The following PPM1L variants were observed in gnomAD, a reference collection of about 807,000 sequenced individuals.
PPM1L encodes the protein protein phosphatase, Mg2+/Mn2+ dependent 1L, also known as protein phosphatase 1L.
In PPM1L, 13 loss-of-function variants were observed where a neutral mutation model predicts 31.4. The ratio of observed to expected loss-of-function variants is 0.41; its 90% CI spans 0.27 to 0.66. The LOEUF (loss-of-function observed/expected upper bound fraction) is 0.66. Ranked by LOEUF, PPM1L falls within the 30% of genes least tolerant of loss-of-function variation. The pLI, the probability that PPM1L is intolerant of heterozygous loss-of-function variation, is 0.29. For missense variants in PPM1L, 326 were observed against 453.7 expected (o/e 0.72, Z 2.56); for synonymous variants, 184 against 175.4 (o/e 1.05, Z -0.39).
intron 1 of PPM1L, among the ~76,000 whole-genome samples, chr3:160,825,953 G>A (rs1035560206): frequency 1.2e-4 from 19 of 152,072 alleles, no homozygotes; most frequent in Non-Finnish European, 2.1e-4. Context: ...GAATTTTCTA[G>A]GCGAGAGTTT....
chr3:160,824,567 T>C (rs902862868), intron 1 of PPM1L, among the ~76,000 whole-genome samples: 1 of 152,174 alleles, frequency 6.6e-6, no homozygotes, highest in Non-Finnish European at 1.5e-5. Context: ...TCTTTTAACG[T>C]GGCTCCTCAC....
intron 2 of PPM1L, among the ~76,000 whole-genome samples, chr3:160,990,953 A>T (rs531784549): frequency 8.5e-5 from 13 of 152,152 alleles, no homozygotes; most frequent in African/African-American, 3.1e-4. Context: ...TACCCAGAAC[A>T]TCCTCATTCA....
chr3:161,020,158 A>G (rs940425225), intron 2 of PPM1L, among the ~76,000 whole-genome samples: 1 of 152,042 alleles, frequency 6.6e-6, no homozygotes, highest in Non-Finnish European at 1.5e-5. Flanking sequence ...CTAAGCCTAG[A>G]AAAAACAAGA....
intron 1 of PPM1L, among the ~76,000 whole-genome samples, chr3:160,797,216 T>G (rs925283898): frequency 2.5e-4 from 38 of 152,168 alleles, no homozygotes; most frequent in Non-Finnish European, 2.9e-5. Flanking sequence ...TTTTCATTAT[T>G]ATTATTATAT....
chr3:160,811,011 A>C (rs1223558409), intron 1 of PPM1L, among the ~76,000 whole-genome samples: 1 of 152,368 alleles, frequency 6.6e-6, no homozygotes, highest in South Asian at 2.1e-4. Context: ...AATCTCCCTC[A>C]GTTTCTATTC....
chr3:161,020,798 T>C (rs928196567), intron 2 of PPM1L, among the ~76,000 whole-genome samples: 1 of 152,164 alleles, frequency 6.6e-6, no homozygotes, highest in Non-Finnish European at 1.5e-5. Flanking sequence ...TTTTAGGAAC[T>C]TCTAAGTTTC....
At chr3:160,835,715 C>T (rs1713695095) in intron 1 of PPM1L, among the ~76,000 whole-genome samples, 1 of 152,102 alleles carries the variant, frequency 6.6e-6, no homozygotes, top group South Asian at 2.1e-4. Context: ...CATCCCTAGC[C>T]CTACCACTTG....
chr3:161,057,771 G>GC (rs750102579), intron 2 of PPM1L, among the ~76,000 whole-genome samples: 3 of 151,774 alleles, frequency 2.0e-5, no homozygotes, highest in East Asian at 1.9e-4. Context: ...TTTGTCACAA[G>GC]CCCCCCCGAC....
At chr3:160,927,410 A>G (rs1157856846) in intron 1 of PPM1L, among the ~76,000 whole-genome samples, 1 of 152,130 alleles carries the variant, frequency 6.6e-6, no homozygotes, top group Non-Finnish European at 1.5e-5. Context: ...TTGAACAACA[A>G]CATTTAAGGT....
chr3:160,992,114 A>G (rs1027514831), intron 2 of PPM1L, among the ~76,000 whole-genome samples: 3 of 152,194 alleles, frequency 2.0e-5, no homozygotes, highest in East Asian at 1.9e-4. Flanking sequence ...CAGGAAATCT[A>G]TATCTCCAGA....
At chr3:161,058,047 A>C (rs1000975618) in intron 2 of PPM1L, among the ~76,000 whole-genome samples, 1 of 150,450 alleles carries the variant, frequency 6.6e-6, no homozygotes, top group Admixed American at 6.6e-5. Context: ...TGAGTTCCAG[A>C]GAGGTTAAGT....
At position 161,070,234 on chromosome 3, in the gene PPM1L, T is replaced by G. The variant is rs1719866052; in HGVS notation, c.*1077T>G. Reference sequence around the variant, plus strand: ...AGAAGCAGCAGCCTATAACTGTATGTGTGTTCCTTGAAGCCAGGTGCAGAG... The same window carrying G: ...AGAAGCAGCAGCCTATAACTGTATGGGTGTTCCTTGAAGCCAGGTGCAGAG... On this transcript the variant is annotated 3_prime_UTR_variant, in exon 4 of 4. Coordinates refer to ENST00000498165, the MANE Select transcript of PPM1L (RefSeq NM_139245.4). The G allele has an allele frequency of 6.6e-6, 1 of 152,212 alleles. No homozygotes were observed. Among genetic ancestry groups the G allele is most frequent in the Non-Finnish European group, 1.5e-5 (1 of 68,050 alleles). The allele number at this position is 152,212 out of a possible 1,614,324, so 9.4% of individuals were successfully genotyped here.
intron 1 of PPM1L, among the ~76,000 whole-genome samples, chr3:160,865,834 G>A (rs985147471): frequency 6.6e-6 from 1 of 152,180 alleles, no homozygotes; most frequent in African/African-American, 2.4e-5. Context: ...TCAGATATAA[G>A]CAGGAAATTC....
At chr3:161,038,449 C>A (rs2108087102) in intron 2 of PPM1L, among the ~76,000 whole-genome samples, 1 of 152,010 alleles carries the variant, frequency 6.6e-6, no homozygotes, top group East Asian at 1.9e-4. Flanking sequence ...GCAGCTAGAA[C>A]TACAAGCATG....
At position 161,068,947 on chromosome 3, in the gene PPM1L, G is replaced by A. The variant is rs746619555; in HGVS notation, c.873G>A (p.Lys291=). 1 of 1,614,212 alleles carries A rather than the reference G, an allele frequency of 6.2e-7. No individual in the cohort carries two copies. The highest frequency in any genetic ancestry group is 8.5e-7 in the Non-Finnish European group (1 of 1,180,032). Residue 291 remains lysine (K), a synonymous_variant, in exon 4 of 4, where the codon AAG becomes AAA. Transcript: ENST00000498165. ...DPDILTFDLD[K]LQPEFMILAS... is the part of the protein sequence containing the mutation. ...ACATCCTGACCTTTGACCTGGACAA[G>A]CTTCAGCCTGAGTTCATGATCTTGG...
chr3:160,910,671 T>A (rs1159240337), intron 1 of PPM1L, among the ~76,000 whole-genome samples: 1 of 152,214 alleles, frequency 6.6e-6, no homozygotes, highest in Non-Finnish European at 1.5e-5. Flanking sequence ...TTTTCCATTT[T>A]AAACCCAGTT....
At chr3:160,860,059 G>A (rs1711836891) in intron 1 of PPM1L, among the ~76,000 whole-genome samples, 1 of 152,164 alleles carries the variant, frequency 6.6e-6, no homozygotes, top group Admixed American at 6.5e-5. Flanking sequence ...AGGAATGAAT[G>A]AGCCTAACTA....
At chr3:160,862,751 T>A (rs1426874682) in intron 1 of PPM1L, among the ~76,000 whole-genome samples, 1 of 151,450 alleles carries the variant, frequency 6.6e-6, no homozygotes, top group East Asian at 1.9e-4. Flanking sequence ...AGTTTCAATT[T>A]TCAATGACAA....
At chr3:160,985,665 T>C (rs1034020383) in intron 2 of PPM1L, among the ~76,000 whole-genome samples, 5 of 152,174 alleles carry the variant, frequency 3.3e-5, no homozygotes, top group Non-Finnish European at 7.4e-5. Flanking sequence ...TGTTTGAGCA[T>C]TGGTGATTTG....
Sources: gnomAD v4.1 joint callset for allele counts (sites outside exome capture counted in the v4.1 genomes callset) on GRCh38, gnomAD v4.1.1 for gene constraint, MANE v1.5 for transcripts, NCBI Gene and HGNC (gene_info 2026-07-23, HGNC 2026-07-21) for gene names.